PDE1A: variants seen among roughly 807,000 people sequenced by gnomAD.
The protein encoded by PDE1A is phosphodiesterase 1A.
In PDE1A, 35 loss-of-function variants were observed where a neutral mutation model predicts 61.7. That is an observed-to-expected ratio of 0.57 (90% CI 0.43 to 0.75). PDE1A has a LOEUF of 0.75. Ranked by LOEUF, PDE1A falls within the 30% of genes least tolerant of loss-of-function variation. The pLI is 0.00. For missense variants in PDE1A, 597 were observed against 630.6 expected (o/e 0.95, Z 0.57); for synonymous variants, 232 against 213.2 (o/e 1.09, Z -0.77).
chr2:182,408,239 A>G (rs1407949409), intron 1 of PDE1A, among the ~76,000 whole-genome samples: 1 of 148,588 alleles, frequency 6.7e-6, no homozygotes, highest in African/African-American at 2.5e-5. Context: ...TTATTTTCCC[A>G]CACTATTACT....
the PDE1A span, among the ~76,000 whole-genome samples, chr2:182,552,696 G>C: frequency 6.6e-6 from 1 of 152,038 alleles, no homozygotes; most frequent in Admixed American, 6.6e-5. Flanking sequence ...TAAAGAAATA[G>C]CCAATCATCT....
intron 7 of PDE1A, among the ~76,000 whole-genome samples, chr2:182,212,709 G>C (rs922671184): frequency 5.9e-5 from 9 of 151,804 alleles, no homozygotes; most frequent in Non-Finnish European, 1.0e-4. Flanking sequence ...CTTTTCTGAC[G>C]GGCTTAAAAA....
At chr2:182,210,313 G>C (rs1051872025) in intron 7 of PDE1A, among the ~76,000 whole-genome samples, 2 of 152,180 alleles carry the variant, frequency 1.3e-5, no homozygotes, top group Non-Finnish European at 2.9e-5. Flanking sequence ...GGTGTTGTTA[G>C]TGTTATGGAT....
the PDE1A span, among the ~76,000 whole-genome samples, chr2:182,577,380 T>C: frequency 6.6e-6 from 1 of 152,236 alleles, no homozygotes; most frequent in Admixed American, 6.5e-5. Flanking sequence ...TTGTCAGTTC[T>C]ACAAATATAG....
chr2:182,461,600 A>G (rs1321621058), intron 2 of PDE1A, among the ~76,000 whole-genome samples: 1 of 152,282 alleles, frequency 6.6e-6, no homozygotes. Flanking sequence ...TGCACAATCT[A>G]ACCCTCCTAC....
Position 182,168,273 on chromosome 2 carries a change from G to A in PDE1A, c.1534C>T (p.Gln512Ter). The change falls in exon 14 of 14, where the codon CAG becomes TAG. Residue 512 changes from glutamine to a stop codon, truncating the protein, a stop_gained. Coordinates refer to ENST00000351439, the Ensembl canonical transcript of PDE1A. LOFTEE classifies it high-confidence loss of function. ...TACTGATGAATAAACTCACACTTCTGTGAACTGGTTCTTGCTTCTGAAAAA... is the reference window on the plus strand; with the variant it reads ...TACTGATGAATAAACTCACACTTCTATGAACTGGTTCTTGCTTCTGAAAAA... 4.4e-6 allele frequency: 7 copies of A among 1,593,038 alleles called. No homozygotes were observed. The highest frequency in any genetic ancestry group is 6.0e-6 in the Non-Finnish European group (7 of 1,173,750).
intron 1 of PDE1A, among the ~76,000 whole-genome samples, chr2:182,356,160 T>C (rs1354459701): frequency 1.3e-5 from 2 of 152,072 alleles, no homozygotes; most frequent in Non-Finnish European, 2.9e-5. Context: ...AAAGAAGACT[T>C]AAAGTGGTGT....
intron 2 of PDE1A, among the ~76,000 whole-genome samples, chr2:182,447,477 A>C (rs1440593392): frequency 6.6e-6 from 1 of 152,064 alleles, no homozygotes; most frequent in Non-Finnish European, 1.5e-5. Flanking sequence ...TGCCACAAGT[A>C]AAGAGGAATA....
intron 1 of PDE1A, among the ~76,000 whole-genome samples, chr2:182,293,294 T>C (rs1273097263): frequency 1.3e-5 from 2 of 152,088 alleles, no homozygotes; most frequent in African/African-American, 2.4e-5. Flanking sequence ...CAACAACCCT[T>C]GTATCATTAA....
At position 182,386,425 on chromosome 2, in the gene PDE1A, G is replaced by A. The variant is rs546568003; in HGVS notation, c.53+40153C>T. ...GAGTGTCTCTGCCCGGCTGCCCATCGTCTGAGATGTGGGGAGCACCTCTGC... is the reference window on the plus strand; with the variant it reads ...GAGTGTCTCTGCCCGGCTGCCCATCATCTGAGATGTGGGGAGCACCTCTGC... On this transcript the variant is annotated intron_variant, in intron 1 of 13. Transcript: ENST00000351439. Among the ~76,000 whole-genome samples the A allele has an allele frequency of 2.5e-4, 37 of 148,878 alleles. No homozygotes were observed. The East Asian group carries it at 6.3e-3, about 25-fold the overall frequency.
intron 1 of PDE1A, among the ~76,000 whole-genome samples, chr2:182,381,173 C>CTT (rs557957021): frequency 8.4e-5 from 12 of 143,240 alleles, no homozygotes; most frequent in African/African-American, 3.1e-4. Flanking sequence ...TGAATGTGTA[C>CTT]TTTTTTTTTT....
chr2:182,201,749 CTG>C lies in PDE1A; in HGVS notation c.941_942del (p.Thr314ArgfsTer10). On this transcript the variant is annotated frameshift_variant, in exon 9 of 14. Transcript: ENST00000351439. LOFTEE classifies it high-confidence loss of function. ...ATTTGCTGGAAGTGACCTGACATGT[CTG>C]TAGATAAAACCATTTCAATCACTAG... The C allele has an allele frequency of 6.2e-7, 1 of 1,612,414 alleles. No individual in the cohort carries two copies. Among genetic ancestry groups the C allele is most frequent in the Middle Eastern group, 1.7e-4 (1 of 6,048 alleles).
intron 1 of PDE1A, among the ~76,000 whole-genome samples, chr2:182,315,435 A>G (rs903644497): frequency 2.0e-5 from 3 of 152,226 alleles, no homozygotes; most frequent in Non-Finnish European, 4.4e-5. Context: ...CAAAATGCAT[A>G]TAATTAAAAG....
intron 1 of PDE1A, among the ~76,000 whole-genome samples, chr2:182,350,811 T>C (rs1698829826): frequency 6.6e-6 from 1 of 152,044 alleles, no homozygotes. Flanking sequence ...AGGACCCAGC[T>C]ATAGGGACAG....
At chr2:182,674,961 A>C in the PDE1A span, among the ~76,000 whole-genome samples, 1 of 151,990 alleles carries the variant, frequency 6.6e-6, no homozygotes, top group African/African-American at 2.4e-5. Context: ...TATTTATTTA[A>C]CTTTTATTTT....
rs377330870 is a variant in PDE1A, at chr2:182,522,264, G to A, written c.101+12C>T. 4 of 1,606,024 alleles carry A rather than the reference G, an allele frequency of 2.5e-6. No individual in the cohort carries two copies. In the East Asian group the frequency reaches 6.7e-5, roughly 27 times the overall value. On this transcript the variant is annotated intron_variant, in intron 2 of 14. Transcript: ENST00000410103. ...CTTTTGGGGGGAAATAAAAAGCAAA[G>A]AGCATACTCACATTCCTTTCAGGCG... is the stretch of plus-strand genomic sequence containing the variant.
At position 182,377,657 on chromosome 2, in the gene PDE1A, T is replaced by C. The variant is rs148139287; in HGVS notation, c.53+48921A>G. 2.9e-3 allele frequency among the ~76,000 whole-genome samples: 445 copies of C among 152,286 alleles called. 3 individuals carry two copies. The highest frequency in any genetic ancestry group is 0.01 in the African/African-American group (425 of 41,554). ...CATAAAGCTAATTACACAATCTCTT[T>C]ATGACCCAGCAGTTCCACTCCTTGG... On this transcript the variant is annotated intron_variant, in intron 1 of 13. Transcript: ENST00000351439.
At chr2:182,401,085 A>C (rs1701974597) in intron 1 of PDE1A, among the ~76,000 whole-genome samples, 1 of 152,292 alleles carries the variant, frequency 6.6e-6, no homozygotes, top group African/African-American at 2.4e-5. Flanking sequence ...GCTGAATTCT[A>C]TCAGAAGTAT....
the PDE1A span, among the ~76,000 whole-genome samples, chr2:182,715,025 C>G: frequency 5.1e-4 from 78 of 152,218 alleles, no homozygotes; most frequent in African/African-American, 1.8e-3. Context: ...AAATCTATGT[C>G]TTCATCTTGG....
Sources: allele counts gnomAD v4.1 joint callset (sites outside exome capture counted in the v4.1 genomes callset), GRCh38; gene constraint gnomAD v4.1.1; transcripts MANE v1.5; gene names NCBI Gene and HGNC (gene_info 2026-07-23, HGNC 2026-07-21).